PPP2R2B: variants seen among roughly 807,000 people sequenced by gnomAD.
PPP2R2B encodes serine/threonine-protein phosphatase 2A 55 kDa regulatory subunit B beta isoform.
Under a neutral mutation model 46.0 loss-of-function variants are expected in PPP2R2B, and 5 were observed. The ratio of observed to expected loss-of-function variants is 0.11; its 90% CI spans 0.06 to 0.23. The LOEUF (loss-of-function observed/expected upper bound fraction) is 0.23. Ranked by LOEUF, PPP2R2B falls within the 10% of genes least tolerant of loss-of-function variation. The pLI, the probability that PPP2R2B is intolerant of heterozygous loss-of-function variation, is 1.00. For synonymous variants in PPP2R2B, 215 were observed against 206.7 expected (o/e 1.04, Z -0.34); for missense variants, 367 against 575.0 (o/e 0.64, Z 3.70).
intron 1 of PPP2R2B, among the ~76,000 whole-genome samples, chr5:147,027,300 T>C (rs1755570520): frequency 1.3e-5 from 2 of 149,490 alleles, no homozygotes. Context: ...ATTGTTCATC[T>C]GAAAATGGTT....
intron 2 of PPP2R2B, among the ~76,000 whole-genome samples, chr5:146,771,417 G>C (rs1754847738): frequency 1.3e-5 from 2 of 152,190 alleles, no homozygotes; most frequent in South Asian, 4.1e-4. Flanking sequence ...TGTGCTGTCA[G>C]TCATTTTCAG....
chr5:146,929,700 T>A (rs1013269730), intron 1 of PPP2R2B, among the ~76,000 whole-genome samples: 3 of 152,068 alleles, frequency 2.0e-5, no homozygotes, highest in Non-Finnish European at 4.4e-5. Flanking sequence ...AAAAAAAAGA[T>A]CTCTATATTA....
intron 1 of PPP2R2B, among the ~76,000 whole-genome samples, chr5:146,973,128 A>G (rs1752740205): frequency 6.6e-6 from 1 of 151,978 alleles, no homozygotes; most frequent in Non-Finnish European, 1.5e-5. Context: ...ATCTACCTGG[A>G]GTTTATTTAG....
intron 1 of PPP2R2B, among the ~76,000 whole-genome samples, chr5:147,009,898 C>CACATATAT (rs781463815): frequency 2.1e-5 from 3 of 145,520 alleles, no homozygotes; most frequent in Non-Finnish European, 3.0e-5. Context: ...CACACACACA[C>CACATATAT]ATATATATAT....
chr5:146,789,646 G>C (rs991790943), intron 2 of PPP2R2B, among the ~76,000 whole-genome samples: 1 of 151,980 alleles, frequency 6.6e-6, no homozygotes, highest in Non-Finnish European at 1.5e-5. Flanking sequence ...AGGAGAGAGA[G>C]GCAATACATC....
At chr5:146,785,239 C>G (rs1420531243) in intron 2 of PPP2R2B, among the ~76,000 whole-genome samples, 12 of 152,062 alleles carry the variant, frequency 7.9e-5, no homozygotes, top group Admixed American at 7.9e-4. Flanking sequence ...TCATCTGACA[C>G]AGTGGGAAGT....
chr5:146,992,104 C>T lies in PPP2R2B; in HGVS notation c.79+63561G>A, dbSNP rs1286327192. Among the ~76,000 whole-genome samples the T allele has an allele frequency of 2.6e-5, 4 of 152,102 alleles. No homozygotes were observed. The East Asian group carries it at 7.7e-4, about 29-fold the overall frequency. On this transcript the variant is annotated intron_variant, in intron 1 of 8. Transcript: ENST00000336640. ...CAAAAAGAACAAAGAGTTATTAAACCACCTGATTTCAAACTATTACTTAAA... is the reference window on the plus strand; with the variant it reads ...CAAAAAGAACAAAGAGTTATTAAACTACCTGATTTCAAACTATTACTTAAA...
At chr5:146,696,306 G>GT (rs1671626289) in intron 4 of PPP2R2B, among the ~76,000 whole-genome samples, 3 of 152,176 alleles carry the variant, frequency 2.0e-5, no homozygotes, top group Admixed American at 6.5e-5. Context: ...GGGTTTCACC[G>GT]TGTTAGCCAG....
At chr5:146,658,203 C>T (rs188455947) in intron 5 of PPP2R2B, among the ~76,000 whole-genome samples, 42 of 152,274 alleles carry the variant, frequency 2.8e-4, no homozygotes, top group Non-Finnish European at 4.7e-4. Context: ...GAAACCCTGA[C>T]CCTGGTGCTC....
Position 146,688,575 on chromosome 5 carries a change from C to A in PPP2R2B, c.447+2553G>T, listed in dbSNP as rs368119736. Among the ~76,000 whole-genome samples the A allele has an allele frequency of 6.1e-4, 93 of 152,070 alleles. No individual in the cohort carries two copies. In the South Asian group the frequency reaches 0.018, roughly 30 times the overall value. On this transcript the variant is annotated intron_variant, in intron 5 of 9. Transcript: ENST00000394411. ...AGCTGGTTAGTAAGAAAGCAAGAAC[C>A]AGAGTTGGAATTTTCCAACTCCCAG...
intron 4 of PPP2R2B, among the ~76,000 whole-genome samples, chr5:146,695,978 T>C (rs1779151339): frequency 6.6e-6 from 1 of 152,196 alleles, no homozygotes; most frequent in African/African-American, 2.4e-5. Flanking sequence ...GGGAAGATAA[T>C]ATCCTTGTTA....
At chr5:146,913,591 G>T (rs1370635148) in intron 1 of PPP2R2B, among the ~76,000 whole-genome samples, 1 of 151,404 alleles carries the variant, frequency 6.6e-6, no homozygotes, top group Admixed American at 6.6e-5. Context: ...AGCTCACTCG[G>T]TCTCTTGATC....
chr5:146,716,449 A>T (rs1780504344), intron 2 of PPP2R2B, among the ~76,000 whole-genome samples: 1 of 151,530 alleles, frequency 6.6e-6, no homozygotes, highest in African/African-American at 2.4e-5. Context: ...GTAAAATCTG[A>T]ACCTTTCTCT....
In PPP2R2B at chr5:146,873,125, G is replaced by A. The variant is rs372675663; in HGVS notation, c.70+4877C>T. On this transcript the variant is annotated intron_variant, in intron 2 of 9. Coordinates refer to ENST00000394411, the MANE Select transcript of PPP2R2B (RefSeq NM_181675.4). ...TCAGTCTGTTTCCGCTTTTAGTGAT[G>A]CGCCCCATTATGCATCCATTTTCAT... 4.6e-5 allele frequency among the ~76,000 whole-genome samples: 7 copies of A among 152,252 alleles called. No individual in the cohort carries two copies. The East Asian group carries it at 7.7e-4, about 17-fold the overall frequency.
intron 2 of PPP2R2B, among the ~76,000 whole-genome samples, chr5:146,739,908 G>T (rs1473302113): frequency 6.6e-6 from 1 of 152,218 alleles, no homozygotes; most frequent in Non-Finnish European, 1.5e-5. Flanking sequence ...AACTCAGTCT[G>T]CTGAGGACAT....
chr5:147,058,600 C>T (rs1483056676), upstream of PPP2R2B, among the ~76,000 whole-genome samples: 3 of 152,144 alleles, frequency 2.0e-5, no homozygotes, highest in East Asian at 5.8e-4. Context: ...ATCTCTTGAC[C>T]TCAATTGAAA....
At chr5:147,040,820 A>C (rs565447297) in intron 1 of PPP2R2B, 87 of 438,862 alleles carry the variant, frequency 2.0e-4, no homozygotes, top group South Asian at 3.0e-4. Context: ...AAAAAAAAAA[A>C]AAAACTGTAA....
intron 1 of PPP2R2B, among the ~76,000 whole-genome samples, chr5:146,909,163 A>T (rs1467380954): frequency 1.3e-5 from 2 of 152,188 alleles, no homozygotes; most frequent in African/African-American, 4.8e-5. Flanking sequence ...CTATTACCAC[A>T]ACATAAATTT....
At chr5:146,693,239 G>A (rs1199711838) in intron 4 of PPP2R2B, among the ~76,000 whole-genome samples, 1 of 149,586 alleles carries the variant, frequency 6.7e-6, no homozygotes, top group Non-Finnish European at 1.5e-5. Context: ...AATTGAGATA[G>A]AGTCTCACTC....
Sources: allele counts gnomAD v4.1 joint callset (sites outside exome capture counted in the v4.1 genomes callset), GRCh38; gene constraint gnomAD v4.1.1; transcripts MANE v1.5; gene names NCBI Gene and HGNC (gene_info 2026-07-23, HGNC 2026-07-21).